Variants in UGGT2 observed in about 807,000 individuals in gnomAD.
The protein encoded by UGGT2 is UDP-glucose:glycoprotein glucosyltransferase 2.
A neutral mutation model predicts 192.1 loss-of-function variants in UGGT2; 180 were observed. The ratio of observed to expected loss-of-function variants is 0.94; its 90% CI spans 0.83 to 1.06. UGGT2 has a LOEUF of 1.06. UGGT2 is among the 50% of genes least tolerant of loss of function. The pLI is 0.00. For synonymous variants in UGGT2, 580 were observed against 591.0 expected, an observed-to-expected ratio of 0.98 and a Z score of 0.27; for missense variants, 1,849 against 1,795.7, an observed-to-expected ratio of 1.03 and a Z score of -0.54.
intron 2 of UGGT2, among the ~76,000 whole-genome samples, chr13:96,025,969 T>C (rs2052651543): frequency 6.6e-6 from 1 of 151,798 alleles, no homozygotes; most frequent in Admixed American, 6.6e-5. Context: ...TGAGAGTAAA[T>C]GACAAACACA....
At chr13:95,968,257 T>A (rs765913494) in intron 12 of UGGT2, among the ~76,000 whole-genome samples, 1 of 151,932 alleles carries the variant, frequency 6.6e-6, no homozygotes, top group Non-Finnish European at 1.5e-5. Flanking sequence ...AGAGAAAAAA[T>A]GAAAAAATTT....
chr13:95,860,378 T>C (rs952818003), intron 32 of UGGT2, among the ~76,000 whole-genome samples: 4 of 149,042 alleles, frequency 2.7e-5, no homozygotes, highest in South Asian at 2.1e-4. Context: ...TATATATATA[T>C]TCTTACCTAT....
intron 12 of UGGT2, among the ~76,000 whole-genome samples, chr13:95,968,428 C>A (rs1479619565): frequency 6.6e-6 from 1 of 152,048 alleles, no homozygotes; most frequent in Non-Finnish European, 1.5e-5. Flanking sequence ...TTGTCCCCAC[C>A]CAAATCTTAC....
chr13:95,846,408 G>A (rs1469469855), intron 36 of UGGT2, among the ~76,000 whole-genome samples: 2 of 144,828 alleles, frequency 1.4e-5, no homozygotes, highest in African/African-American at 2.5e-5. Context: ...ATCAGAGGGA[G>A]ACCGTGCAGA....
Position 95,856,273 on chromosome 13 carries a change from C to T in UGGT2, c.3893G>A (p.Arg1298His), listed in dbSNP as rs544038565. ...RYELVQYRWP[R>H]WLRQQTERQR... is the part of the protein sequence containing the mutation. ...TCTTTCAGTCTGTTGACGAAGCCAA[C>T]GGGGCCACCTATATTGAACTAGTTC... is the stretch of plus-strand genomic sequence containing the variant. The change falls in exon 34 of 39, where the codon CGT becomes CAT. Residue 1298 changes from arginine (R) to histidine (H), a missense_variant. Arg to His is a conservative substitution (Grantham distance 29). Coordinates refer to ENST00000376747, the MANE Select transcript of UGGT2 (RefSeq NM_020121.4). 77 of 1,613,556 alleles carry T rather than the reference C, an allele frequency of 4.8e-5. 1 individual carries two copies. The East Asian group carries it at 1.4e-3, about 30-fold the overall frequency.
intron 38 of UGGT2, among the ~76,000 whole-genome samples, chr13:95,827,839 A>G (rs1886205013): frequency 6.6e-6 from 1 of 152,200 alleles, no homozygotes; most frequent in South Asian, 2.1e-4. Flanking sequence ...CATCAGAATC[A>G]TAAGGCTTTT....
Position 95,939,743 on chromosome 13 carries a change from T to C in UGGT2, c.1812+214A>G, listed in dbSNP as rs567486291. 1.4e-3 allele frequency among the ~76,000 whole-genome samples: 208 copies of C among 152,274 alleles called. 1 individual carries two copies. Among genetic ancestry groups the C allele is most frequent in the Middle Eastern group, 6.8e-3 (2 of 294 alleles). On this transcript the variant is annotated intron_variant, in intron 16 of 38. Transcript: ENST00000376747. ...TAACTACAGTCACCACCATGTACAA[T>C]AGATCTCTTGAACTTATTTCTCTAG...
intron 1 of UGGT2, among the ~76,000 whole-genome samples, chr13:96,041,813 A>G (rs1347051744): frequency 1.3e-5 from 2 of 152,124 alleles, no homozygotes; most frequent in Admixed American, 1.3e-4. Context: ...TCCTGGGAAT[A>G]TAACTCCATT....
rs772598441 is a variant in UGGT2 at position 95,990,002 on chromosome 13, ATTTG to A, written c.898_901del (p.Gln300Ter). The stretch of plus-strand genomic sequence containing the variant: ...TAGTTCCCAGACTTTCAAAGGCATC[ATTTG>A]TTTGTTACTCTCAATCAGGTATTTT... On this transcript the variant is annotated frameshift_variant, in exon 8 of 39. Coordinates refer to ENST00000376747, the MANE Select transcript of UGGT2 (RefSeq NM_020121.4). LOFTEE classifies it high-confidence loss of function. The A allele has an allele frequency of 1.9e-6, 3 of 1,608,140 alleles. No homozygotes were observed. Among genetic ancestry groups the A allele is most frequent in the Non-Finnish European group, 2.5e-6 (3 of 1,176,952 alleles).
intron 7 of UGGT2, among the ~76,000 whole-genome samples, chr13:95,992,908 T>C (rs1481315425): frequency 6.6e-6 from 1 of 152,156 alleles, no homozygotes; most frequent in Admixed American, 6.5e-5. Context: ...CCCAGTAATC[T>C]CATTACTGGG....
chr13:95,873,756 C>G (rs559954361), intron 29 of UGGT2, among the ~76,000 whole-genome samples: 1 of 152,076 alleles, frequency 6.6e-6, no homozygotes, highest in Non-Finnish European at 1.5e-5. Flanking sequence ...AGGGACTATC[C>G]CAGACCAGGT....
chr13:95,824,832 G>A (rs568113846), intron 38 of UGGT2, among the ~76,000 whole-genome samples: 23 of 152,158 alleles, frequency 1.5e-4, no homozygotes, highest in African/African-American at 5.3e-4. Context: ...TCTTTTTTGG[G>A]GGTGTTAAAG....
At chr13:95,990,483 A>C (rs1297177562) in intron 7 of UGGT2, 1 of 152,360 alleles carries the variant, frequency 6.6e-6, no homozygotes, top group Non-Finnish European at 1.5e-5. Context: ...ATTTCTGAAA[A>C]GTTCCATCTT....
chr13:95,941,196 T>C (rs2049668260), intron 15 of UGGT2, among the ~76,000 whole-genome samples: 1 of 152,200 alleles, frequency 6.6e-6, no homozygotes, highest in African/African-American at 2.4e-5. Flanking sequence ...ACAAACACTA[T>C]TAAGCAGCAT....
At position 95,949,356 on chromosome 13, in the gene UGGT2, T is replaced by C. The variant is rs1170722213; in HGVS notation, c.1434A>G (p.Ile478Met). 6 of 1,566,360 alleles carry C rather than the reference T, an allele frequency of 3.8e-6. No individual in the cohort carries two copies. The highest frequency in any genetic ancestry group is 5.2e-6 in the Non-Finnish European group (6 of 1,155,598). The change falls in exon 13 of 39, where the codon ATA becomes ATG. Residue 478 changes from isoleucine (I) to methionine (M), a missense_variant. By Grantham distance (10) the Ile-to-Met change is conservative. Coordinates refer to ENST00000376747, the MANE Select transcript of UGGT2 (RefSeq NM_020121.4). Reference sequence around the variant, plus strand: ...TCACCAAATTATGAAAATTGCGCCTTATGGAAGGTACACTTCCAGGAAATA... The same window carrying C: ...TCACCAAATTATGAAAATTGCGCCTCATGGAAGGTACACTTCCAGGAAATA... ...KPVFPGSVPSIRRNFHNLVLF... is the reference protein window; with the variant it reads ...KPVFPGSVPSMRRNFHNLVLF...
At chr13:96,038,379 G>A (rs1244333522) in intron 1 of UGGT2, among the ~76,000 whole-genome samples, 1 of 152,104 alleles carries the variant, frequency 6.6e-6, no homozygotes, top group Non-Finnish European at 1.5e-5. Context: ...GAGAATAATA[G>A]AAAGTTATTA....
chr13:95,925,388 G>T (rs2048985190), intron 20 of UGGT2, among the ~76,000 whole-genome samples: 2 of 152,048 alleles, frequency 1.3e-5, no homozygotes, highest in South Asian at 4.1e-4. Context: ...GTGGTGGTAG[G>T]GTCTAGAGTT....
intron 20 of UGGT2, among the ~76,000 whole-genome samples, chr13:95,904,499 T>C (rs1411997647): frequency 2.1e-4 from 28 of 131,040 alleles, no homozygotes; most frequent in African/African-American, 8.0e-4. Context: ...CCTGTGTCCA[T>C]GTGATCTCAT....
At chr13:96,046,474 G>C (rs2053312633) in intron 1 of UGGT2, among the ~76,000 whole-genome samples, 1 of 152,172 alleles carries the variant, frequency 6.6e-6, no homozygotes, top group South Asian at 2.1e-4. Context: ...TAAAAACAAA[G>C]ATAAATAGGA....
Sources: gnomAD v4.1 joint callset for allele counts (sites outside exome capture counted in the v4.1 genomes callset) on GRCh38, gnomAD v4.1.1 for gene constraint, MANE v1.5 for transcripts, NCBI Gene and HGNC (gene_info 2026-07-23, HGNC 2026-07-21) for gene names.